The following ADAMTS20 variants were observed in gnomAD, a reference collection of about 807,000 sequenced individuals.
The protein encoded by ADAMTS20 is ADAM metallopeptidase with thrombospondin type 1 motif 20.
Under a neutral mutation model 260.1 loss-of-function variants are expected in ADAMTS20, and 225 were observed. The observed-to-expected ratio is 0.87, with a 90% CI of 0.78 to 0.97. The LOEUF (loss-of-function observed/expected upper bound fraction) is 0.97, where lower values mean the gene tolerates loss of function less well. Among genes scored for constraint, ADAMTS20 ranks in the 50% least tolerant of loss-of-function variants. ADAMTS20 has a pLI of 0.00. For synonymous variants in ADAMTS20, 802 were observed against 769.5 expected (o/e 1.04, Z -0.70); for missense variants, 2,400 against 2,337.7 (o/e 1.03, Z -0.55).
At chr12:43,537,494 T>C (rs970846734) in intron 2 of ADAMTS20, among the ~76,000 whole-genome samples, 1 of 152,202 alleles carries the variant, frequency 6.6e-6, no homozygotes, top group African/African-American at 2.4e-5. Context: ...AGCATTTATC[T>C]TTTGATAAAT....
At chr12:43,443,584 T>C (rs946438603) in intron 16 of ADAMTS20, among the ~76,000 whole-genome samples, 15 of 151,346 alleles carry the variant, frequency 9.9e-5, no homozygotes, top group Non-Finnish European at 2.1e-4. Context: ...CAAATTATTG[T>C]TCAGAATTTC....
intron 7 of ADAMTS20, among the ~76,000 whole-genome samples, chr12:43,476,290 A>G (rs1454434405): frequency 4.7e-5 from 3 of 63,622 alleles, no homozygotes; most frequent in Non-Finnish European, 8.7e-5. Flanking sequence ...CAAAACCACT[A>G]TGAGATATCA....
intron 29 of ADAMTS20, among the ~76,000 whole-genome samples, chr12:43,395,973 T>C (rs1592046633): frequency 2.0e-5 from 3 of 152,138 alleles, no homozygotes; most frequent in African/African-American, 4.8e-5. Context: ...CTTTAAAAAC[T>C]TGAATTTACA....
At chr12:43,546,914 G>T (rs1565589724) in intron 2 of ADAMTS20, among the ~76,000 whole-genome samples, 1 of 152,064 alleles carries the variant, frequency 6.6e-6, no homozygotes, top group African/African-American at 2.4e-5. Flanking sequence ...AGAAAAGCAA[G>T]AATTATATAC....
At chr12:43,453,086 T>C (rs1368723241) in intron 12 of ADAMTS20, among the ~76,000 whole-genome samples, 1 of 152,206 alleles carries the variant, frequency 6.6e-6, no homozygotes, top group African/African-American at 2.4e-5. Flanking sequence ...TATACACATC[T>C]GTCATGTATA....
chr12:43,499,486 ATTTTTTT>A (rs71091160), intron 4 of ADAMTS20, among the ~76,000 whole-genome samples: 1 of 126,106 alleles, frequency 7.9e-6, no homozygotes, highest in Non-Finnish European at 1.6e-5. Context: ...GATGATACTG[ATTTTTTT>A]TTTTTTTTTT....
rs190896768 is a variant in ADAMTS20, at chr12:43,538,089, T to A, written c.454-5894A>T. Among the ~76,000 whole-genome samples the A allele has an allele frequency of 3.3e-5, 5 of 152,336 alleles. 1 individual carries two copies. The highest frequency in any genetic ancestry group is 3.3e-4 in the Admixed American group (5 of 15,308). Reference sequence around the variant, plus strand: ...TCTACTTTTAGTTTTCTGAGGACCCTCCAAACTCTTCTCCATAATGGTTGC... The same window carrying A: ...TCTACTTTTAGTTTTCTGAGGACCCACCAAACTCTTCTCCATAATGGTTGC... On this transcript the variant is annotated intron_variant, in intron 2 of 38. Coordinates refer to ENST00000389420, the MANE Select transcript of ADAMTS20 (RefSeq NM_025003.5).
At chr12:43,401,409 T>C (rs909640587) in intron 28 of ADAMTS20, among the ~76,000 whole-genome samples, 1 of 151,952 alleles carries the variant, frequency 6.6e-6, no homozygotes, top group Non-Finnish European at 1.5e-5. Flanking sequence ...TACAAAGCTA[T>C]GTAACATAAG....
At chr12:43,498,352 A>C (rs1942706280) in intron 4 of ADAMTS20, among the ~76,000 whole-genome samples, 1 of 152,230 alleles carries the variant, frequency 6.6e-6, no homozygotes, top group South Asian at 2.1e-4. Context: ...TTCGTGCAGG[A>C]TGAGTAAGGA....
chr12:43,441,050 G>C (rs1454388892), intron 16 of ADAMTS20, among the ~76,000 whole-genome samples: 2 of 148,114 alleles, frequency 1.4e-5, no homozygotes, highest in Non-Finnish European at 3.0e-5. Context: ...GGGAGATTGA[G>C]GGAGACTCCG....
chr12:43,400,260 G>A (rs1215617942), intron 28 of ADAMTS20, among the ~76,000 whole-genome samples: 1 of 151,900 alleles, frequency 6.6e-6, no homozygotes, highest in East Asian at 1.9e-4. Flanking sequence ...TCATTCCTCT[G>A]AGACAGTTGT....
intron 17 of ADAMTS20, 41 bp downstream of exon 17, chr12:43,439,856 T>A: frequency 6.4e-7 from 1 of 1,573,640 alleles, no homozygotes; most frequent in Non-Finnish European, 8.6e-7. Context: ...TTTACTAATA[T>A]AATTAAATCC....
chr12:43,432,256 T>A, intron 21 of ADAMTS20, 48 bp downstream of exon 21: 1 of 1,563,184 alleles, frequency 6.4e-7, no homozygotes, highest in Non-Finnish European at 8.7e-7. Flanking sequence ...TACAAAGCTT[T>A]ACTAACACAA....
At chr12:43,428,904 G>T in intron 24 of ADAMTS20, 105 bp from the exon 25 acceptor site, 1 of 1,099,884 alleles carries the variant, frequency 9.1e-7, no homozygotes, top group Non-Finnish European at 1.2e-6. Context: ...AGTTTCTTGA[G>T]AAATTTTAAA....
chr12:43,429,162 C>G (rs561559384), intron 24 of ADAMTS20, among the ~76,000 whole-genome samples: 8 of 151,880 alleles, frequency 5.3e-5, no homozygotes, highest in African/African-American at 1.9e-4. Flanking sequence ...TACTAAGTAA[C>G]AGATAGATAT....
intron 23 of ADAMTS20, 67 bp from the exon 24 acceptor site, chr12:43,429,791 T>A (rs1463240674): frequency 9.9e-7 from 1 of 1,009,884 alleles, no homozygotes; most frequent in African/African-American, 1.6e-5. Flanking sequence ...AATCTAATAC[T>A]TCACTTCTTC....
intron 18 of ADAMTS20, among the ~76,000 whole-genome samples, chr12:43,436,277 C>T (rs531449741): frequency 6.6e-6 from 1 of 151,908 alleles, no homozygotes; most frequent in Non-Finnish European, 1.5e-5. Flanking sequence ...TCTGACAGGG[C>T]GAATGTGTGA....
At chr12:43,362,045 T>G (rs1275639332) in intron 37 of ADAMTS20, among the ~76,000 whole-genome samples, 1 of 152,156 alleles carries the variant, frequency 6.6e-6, no homozygotes, top group Non-Finnish European at 1.5e-5. Flanking sequence ...CATTGTCAAT[T>G]TACTTATCTC....
At chr12:43,355,308 G>A (rs1939721367) in intron 38 of ADAMTS20, among the ~76,000 whole-genome samples, 1 of 152,140 alleles carries the variant, frequency 6.6e-6, no homozygotes, top group Non-Finnish European at 1.5e-5. Flanking sequence ...TATTGGCAAA[G>A]GAAAATATGT....
Sources: gnomAD v4.1 joint callset for allele counts (sites outside exome capture counted in the v4.1 genomes callset) on GRCh38, gnomAD v4.1.1 for gene constraint, MANE v1.5 for transcripts, NCBI Gene and HGNC (gene_info 2026-07-23, HGNC 2026-07-21) for gene names.